Variants in UGT2B28 observed in about 807,000 individuals in gnomAD.
UGT2B28 encodes the protein UDP glucuronosyltransferase family 2 member B28, also known as UDP-glucuronosyltransferase 2B28.
In UGT2B28, 45 loss-of-function variants were observed where a neutral mutation model predicts 43.6. That is an observed-to-expected ratio of 1.03 (90% CI 0.81 to 1.32). The LOEUF is 1.32. Ranked by LOEUF, UGT2B28 falls within the 40% of genes most tolerant of loss-of-function variation. The pLI, the probability that UGT2B28 is intolerant of heterozygous loss-of-function variation, is 0.00. For missense variants in UGT2B28, 649 were observed against 625.5 expected (o/e 1.04, Z -0.40); for synonymous variants, 204 against 208.1 (o/e 0.98, Z 0.17).
intron 2 of UGT2B28, among the ~76,000 whole-genome samples, chr4:69,285,906 C>A (rs1426665511): frequency 7.1e-6 from 1 of 141,174 alleles, no homozygotes; most frequent in Non-Finnish European, 1.5e-5. Flanking sequence ...TGAGACACAA[C>A]AAAGTGATGA....
At chr4:69,289,306 C>T (rs943915058) in intron 3 of UGT2B28, among the ~76,000 whole-genome samples, 1 of 139,956 alleles carries the variant, frequency 7.1e-6, no homozygotes, top group African/African-American at 2.8e-5. Flanking sequence ...GATGTTATCT[C>T]ATTATGGTTT....
Position 69,287,215 on chromosome 4 carries a change from A to T in UGT2B28, c.1002+332A>T, listed in dbSNP as rs1318333851. Among the ~76,000 whole-genome samples, 2 of 140,958 alleles carry T rather than the reference A, an allele frequency of 1.4e-5. 1 individual carries two copies. Among genetic ancestry groups the T allele is most frequent in the Non-Finnish European group, 3.0e-5 (2 of 65,836 alleles). The allele number at this position is 140,958 out of a possible 152,430, so 92.5% of individuals were successfully genotyped here. On this transcript the variant is annotated intron_variant, in intron 3 of 5. Transcript: ENST00000335568. ...TATTAACAGTCATACATATGGCTGA[A>T]ATTAACTCAATATATTTCAGGTAAG...
At chr4:69,292,917 C>T (rs4301173) in intron 5 of UGT2B28, among the ~76,000 whole-genome samples, 61,874 of 138,636 alleles carry the variant, frequency 0.45, 19,497 homozygotes, top group Non-Finnish European at 0.53. Flanking sequence ...CATAATTATG[C>T]ATGCACTTTT....
intron 2 of UGT2B28, among the ~76,000 whole-genome samples, chr4:69,284,922 C>T (rs1475552761): frequency 7.2e-6 from 1 of 139,172 alleles, no homozygotes; most frequent in Non-Finnish European, 1.5e-5. Flanking sequence ...CACGTGAAAT[C>T]ATAAAAAAAT....
intron 5 of UGT2B28, among the ~76,000 whole-genome samples, chr4:69,292,818 C>T (rs1374100026): frequency 7.2e-6 from 1 of 139,114 alleles, no homozygotes; most frequent in Non-Finnish European, 1.5e-5. Flanking sequence ...GTGGAAATAA[C>T]GGAGGTTAAA....
At chr4:69,282,989 GA>G (rs1485249087) in intron 2 of UGT2B28, among the ~76,000 whole-genome samples, 1 of 140,290 alleles carries the variant, frequency 7.1e-6, no homozygotes, top group Non-Finnish European at 1.5e-5. Context: ...AGTAAGTGCA[GA>G]AATTTCAGAG....
In UGT2B28 at chr4:69,294,538, A is replaced by G; in HGVS notation, c.1319A>G (p.Glu440Gly). 1 of 1,542,902 alleles carries G rather than the reference A, an allele frequency of 6.5e-7. No individual in the cohort carries two copies. Among genetic ancestry groups the G allele is most frequent in the Non-Finnish European group, 8.7e-7 (1 of 1,147,706 alleles). ...TTATTTTTATCCTTCAGATATAAAG[A>G]GAATGTTATGAAATTATCAATAATT... Reference protein sequence around the residue: ...KTVINDPSYKENVMKLSIIQH... With the variant: ...KTVINDPSYKGNVMKLSIIQH... The change falls in exon 6 of 6, where the codon GAG becomes GGG. Residue 440 changes from glutamate (E) to glycine (G), a missense_variant. Physicochemically the swap from Glu to Gly is moderately conservative, Grantham distance 98 (BLOSUM62 -2). Coordinates refer to ENST00000335568, the MANE Select transcript of UGT2B28 (RefSeq NM_053039.2).
rs1436322770 is a variant in UGT2B28, at chr4:69,293,598, G to T, written c.1311-932G>T. On this transcript the variant is annotated intron_variant, in intron 5 of 5. Transcript: ENST00000335568. ...AAGCCACAAAAAGGGAGAGAAGCATGCCTTGGGTTGCAGCAAGAAAGAGTA... is the reference window on the plus strand; with the variant it reads ...AAGCCACAAAAAGGGAGAGAAGCATTCCTTGGGTTGCAGCAAGAAAGAGTA... Among the ~76,000 whole-genome samples, 4 of 139,722 alleles carry T rather than the reference G, an allele frequency of 2.9e-5. 1 individual carries two copies. The highest frequency in any genetic ancestry group is 1.1e-4 in the African/African-American group (4 of 35,676). 91.7% of individuals were successfully genotyped at this position (139,722 alleles called of 152,430 possible). A position where few individuals can be genotyped will look rare whatever the true frequency, so the allele number is the denominator to read the frequency against.
At position 69,283,824 on chromosome 4, in the gene UGT2B28, T is replaced by C. The variant is rs552953113; in HGVS notation, c.870+1162T>C. ...TTATATTCTCTTGCAAAGTCATATA[T>C]GACAGATACCCTGTGGACTTGATTA... On this transcript the variant is annotated intron_variant, in intron 2 of 5. Coordinates refer to ENST00000335568, the MANE Select transcript of UGT2B28 (RefSeq NM_053039.2). Among the ~76,000 whole-genome samples the C allele has an allele frequency of 7.8e-5, 11 of 140,734 alleles. 2 individuals carry two copies. The highest frequency in any genetic ancestry group is 1.4e-4 in the Admixed American group (2 of 14,030). The allele number at this position is 140,734 out of a possible 152,430, so 92.3% of individuals were successfully genotyped here. A position where few individuals can be genotyped will look rare whatever the true frequency, so the allele number is the denominator to read the frequency against.
At position 69,292,603 on chromosome 4, in the gene UGT2B28, T is replaced by G. The variant is rs1354092249; in HGVS notation, c.1310+1792T>G. 6.4e-5 allele frequency among the ~76,000 whole-genome samples: 9 copies of G among 140,458 alleles called. 1 individual carries two copies. Among genetic ancestry groups the G allele is most frequent in the African/African-American group, 2.5e-4 (9 of 36,098 alleles). The allele number at this position is 140,458 out of a possible 152,430, so 92.1% of individuals were successfully genotyped here. On this transcript the variant is annotated intron_variant, in intron 5 of 5. Coordinates refer to ENST00000335568, the MANE Select transcript of UGT2B28 (RefSeq NM_053039.2). ...TTGAAGAATACAATTAACAAATGGA[T>G]TCTTACAATCTAAAATGATATACAA...
chr4:69,282,855 AAT>A (rs1723658823), intron 2 of UGT2B28, among the ~76,000 whole-genome samples, 193 bp downstream of exon 2: 1 of 140,220 alleles, frequency 7.1e-6, no homozygotes, highest in South Asian at 2.4e-4. Context: ...GCATATTACA[AAT>A]AGAGAGGAAT....
rs527649511 is a variant in UGT2B28 at position 69,287,091 on chromosome 4, G to T, written c.1002+208G>T. ...GGCCCTGGGGGTGTTACTACCCTTGGTATGCATGAGTGGTTCCTATTACTA... is the reference window on the plus strand; with the variant it reads ...GGCCCTGGGGGTGTTACTACCCTTGTTATGCATGAGTGGTTCCTATTACTA... On this transcript the variant is annotated intron_variant, in intron 3 of 5. Transcript: ENST00000335568. Among the ~76,000 whole-genome samples the T allele has an allele frequency of 1.2e-4, 16 of 138,232 alleles. 1 individual carries two copies. In the South Asian group the frequency reaches 2.8e-3, roughly 24 times the overall value. The allele number at this position is 138,232 out of a possible 152,430, so 90.7% of individuals were successfully genotyped here.
intron 2 of UGT2B28, among the ~76,000 whole-genome samples, chr4:69,285,613 C>T (rs1405854190): frequency 7.1e-6 from 1 of 141,410 alleles, no homozygotes; most frequent in Non-Finnish European, 1.5e-5. Context: ...TTAAAAAACG[C>T]TCTGCCATAC....
chr4:69,289,593 T>C (rs1723884997), intron 3 of UGT2B28, 72 bp from the exon 4 acceptor site: 1 of 1,352,078 alleles, frequency 7.4e-7, no homozygotes, highest in Non-Finnish European at 1.0e-6. Flanking sequence ...ATTCCTACCC[T>C]TTTTACAGTT....
chr4:69,287,167 C>T lies in UGT2B28; in HGVS notation c.1002+284C>T, dbSNP rs150047201. Among the ~76,000 whole-genome samples the T allele has an allele frequency of 2.8e-3, 392 of 139,608 alleles. 76 individuals are homozygous for T. The highest frequency in any genetic ancestry group is 0.01 in the African/African-American group (358 of 35,694). 91.6% of individuals were successfully genotyped at this position (139,608 alleles called of 152,430 possible). A position where few individuals can be genotyped will look rare whatever the true frequency, so the allele number is the denominator to read the frequency against. On this transcript the variant is annotated intron_variant, in intron 3 of 5. Transcript: ENST00000335568. ...GTATCCACAAAAGGGAACTTGAGAC[C>T]CATGATTATTTTTAATTTCTGATAT...
intron 3 of UGT2B28, among the ~76,000 whole-genome samples, chr4:69,289,047 A>C (rs1723863742): frequency 1.4e-5 from 2 of 139,960 alleles, no homozygotes; most frequent in African/African-American, 5.6e-5. Context: ...ACTGCAACTA[A>C]CATATATTTT....
At position 69,290,694 on chromosome 4, in the gene UGT2B28, A is replaced by G. The variant is rs756014207; in HGVS notation, c.1193A>G (p.Asp398Gly). Residue 398 changes from aspartate (D) to glycine (G), a missense_variant, in exon 5 of 6, where the codon GAT (aspartate) becomes GGT (glycine). Physicochemically the swap from Asp to Gly is moderately conservative, Grantham distance 94 (BLOSUM62 -1). Transcript: ENST00000335568. ...ATGGTAGGCATTCCATTGTTTTGGG[A>G]TCAACCTGATAACATTGCTCACATG... ...IPMVGIPLFW[D>G]QPDNIAHMKA... The G allele has an allele frequency of 3.2e-6, 5 of 1,559,358 alleles. No individual in the cohort carries two copies. The highest frequency in any genetic ancestry group is 1.8e-5 in the Admixed American group (1 of 56,258).
At position 69,292,835 on chromosome 4, in the gene UGT2B28, A is replaced by G. The variant is rs1364708884; in HGVS notation, c.1311-1695A>G. Among the ~76,000 whole-genome samples, 16 of 140,390 alleles carry G rather than the reference A, an allele frequency of 1.1e-4. 1 individual carries two copies. The highest frequency in any genetic ancestry group is 3.3e-4 in the African/African-American group (12 of 36,070). 92.1% of individuals were successfully genotyped at this position (140,390 alleles called of 152,430 possible). A position where few individuals can be genotyped will look rare whatever the true frequency, so the allele number is the denominator to read the frequency against. On this transcript the variant is annotated intron_variant, in intron 5 of 5. Coordinates refer to ENST00000335568, the MANE Select transcript of UGT2B28 (RefSeq NM_053039.2). ...GGAAATAACGGAGGTTAAAAATACTATTACTAAAATATCCTTAATATTGGA... is the reference window on the plus strand; with the variant it reads ...GGAAATAACGGAGGTTAAAAATACTGTTACTAAAATATCCTTAATATTGGA...
Position 69,290,080 on chromosome 4 carries a change from A to T in UGT2B28, c.1090+328A>T, listed in dbSNP as rs559934046. Among the ~76,000 whole-genome samples, 96 of 139,826 alleles carry T rather than the reference A, an allele frequency of 6.9e-4. 20 individuals carry two copies. Among genetic ancestry groups the T allele is most frequent in the African/African-American group, 2.6e-3 (92 of 35,614 alleles). The allele number at this position is 139,826 out of a possible 152,430, so 91.7% of individuals were successfully genotyped here. Reference sequence around the variant, plus strand: ...CTGTTTTCTCCTCTCCTGCAGGTTTATTTCAAATGCCAGTAAATATAATAG... The same window carrying T: ...CTGTTTTCTCCTCTCCTGCAGGTTTTTTTCAAATGCCAGTAAATATAATAG... On this transcript the variant is annotated intron_variant, in intron 4 of 5. Transcript: ENST00000335568.
Sources: allele counts gnomAD v4.1 joint callset (sites outside exome capture counted in the v4.1 genomes callset), GRCh38; gene constraint gnomAD v4.1.1; transcripts MANE v1.5; gene names NCBI Gene and HGNC (gene_info 2026-07-23, HGNC 2026-07-21).